Variants in GNG7 observed in about 807,000 individuals in gnomAD.
GNG7 encodes the protein guanine nucleotide-binding protein G(I)/G(S)/G(O) subunit gamma-7.
In GNG7, 1 loss-of-function variant was observed where a neutral mutation model predicts 4.0. The observed-to-expected ratio is 0.25, with a 90% CI of 0.09 to 1.18. GNG7 has a LOEUF of 1.18. GNG7 is among the 50% of genes most tolerant of loss of function. GNG7 has a pLI of 0.50. For missense variants in GNG7, 86 were observed against 91.9 expected, an observed-to-expected ratio of 0.94 and a Z score of 0.26; for synonymous variants, 34 against 36.9, an observed-to-expected ratio of 0.92 and a Z score of 0.29.
chr19:2,680,901 C>T (rs1983715424), intron 1 of GNG7, among the ~76,000 whole-genome samples: 1 of 151,802 alleles, frequency 6.6e-6, no homozygotes, highest in Non-Finnish European at 1.5e-5. Flanking sequence ...GTCTCCCGAG[C>T]TCGCATGAGG....
At chr19:2,662,187 G>A (rs183841769) in intron 1 of GNG7, among the ~76,000 whole-genome samples, 184 of 151,874 alleles carry the variant, frequency 1.2e-3, no homozygotes, top group African/African-American at 4.4e-3. Flanking sequence ...TTGAACCTGG[G>A]GGGCGGAGGC....
At chr19:2,690,792 C>T (rs912414393) in intron 1 of GNG7, among the ~76,000 whole-genome samples, 2 of 152,120 alleles carry the variant, frequency 1.3e-5, no homozygotes, top group African/African-American at 4.8e-5. Context: ...CGGGGTTTCA[C>T]CATGTTGGCC....
intron 2 of GNG7, among the ~76,000 whole-genome samples, chr19:2,613,952 C>G (rs1981645867): frequency 6.6e-6 from 1 of 152,232 alleles, no homozygotes; most frequent in Non-Finnish European, 1.5e-5. Flanking sequence ...GACAGAAGCT[C>G]GCAGCCTAAG....
chr19:2,678,568 C>A (rs1983651939), intron 1 of GNG7, among the ~76,000 whole-genome samples: 1 of 152,062 alleles, frequency 6.6e-6, no homozygotes, highest in South Asian at 2.1e-4. Flanking sequence ...GGTGGAGGAA[C>A]CAAATCCTGG....
chr19:2,698,927 G>C (rs978464506), intron 1 of GNG7, among the ~76,000 whole-genome samples: 1 of 152,092 alleles, frequency 6.6e-6, no homozygotes, highest in Non-Finnish European at 1.5e-5. Context: ...TAACGGTATC[G>C]GTCAAAGGAT....
intron 1 of GNG7, among the ~76,000 whole-genome samples, chr19:2,674,450 T>G (rs1983543739): frequency 2.0e-5 from 3 of 152,258 alleles, no homozygotes. Context: ...TTTTGTTTTT[T>G]TTTGAGACAG....
At chr19:2,616,004 G>T (rs1188557512) in intron 2 of GNG7, among the ~76,000 whole-genome samples, 1 of 152,146 alleles carries the variant, frequency 6.6e-6, no homozygotes, top group Non-Finnish European at 1.5e-5. Flanking sequence ...CTCCTGTATG[G>T]GCCTTTTTCC....
At chr19:2,520,069 T>C (rs1978299740) in intron 4 of GNG7, among the ~76,000 whole-genome samples, 1 of 152,122 alleles carries the variant, frequency 6.6e-6, no homozygotes, top group African/African-American at 2.4e-5. Context: ...TAATCCCAGC[T>C]ATTTGGGAGG....
chr19:2,568,743 TACAC>T (rs748487982), intron 2 of GNG7, among the ~76,000 whole-genome samples: 5 of 144,108 alleles, frequency 3.5e-5, no homozygotes, highest in Non-Finnish European at 6.2e-5. Flanking sequence ...TATACATACA[TACAC>T]ACATACACAC....
At chr19:2,568,443 CACATACATATACAT>C (rs1568247053) in intron 2 of GNG7, among the ~76,000 whole-genome samples, 1 of 103,742 alleles carries the variant, frequency 9.6e-6, no homozygotes, top group Non-Finnish European at 2.3e-5. Flanking sequence ...TATACATACA[CACATACATATACAT>C]ACACACACAC....
intron 1 of GNG7, among the ~76,000 whole-genome samples, chr19:2,658,078 T>C (rs1446876328): frequency 6.6e-6 from 1 of 152,164 alleles, no homozygotes; most frequent in African/African-American, 2.4e-5. Context: ...TCTTCATGTC[T>C]TGGTGGTAGT....
intron 3 of GNG7, among the ~76,000 whole-genome samples, chr19:2,526,296 G>C (rs1031717978): frequency 1.3e-5 from 2 of 150,186 alleles, no homozygotes; most frequent in African/African-American, 4.9e-5. Context: ...ATAGAGACGG[G>C]GTTTCCCCAT....
intron 1 of GNG7, chr19:2,683,459 C>T (rs576136860): frequency 6.6e-6 from 1 of 152,322 alleles, no homozygotes; most frequent in Admixed American, 6.5e-5. Flanking sequence ...ACTCTCCACG[C>T]CTTCTGTGTG....
intron 2 of GNG7, among the ~76,000 whole-genome samples, chr19:2,556,737 CCTT>C (rs1979556481): frequency 6.6e-6 from 1 of 152,162 alleles, no homozygotes; most frequent in African/African-American, 2.4e-5. Context: ...ACTGAGGTCA[CCTT>C]CTCCTAAGCC....
At chr19:2,630,327 T>G (rs8102144) in intron 2 of GNG7, among the ~76,000 whole-genome samples, 1 of 152,000 alleles carries the variant, frequency 6.6e-6, no homozygotes, top group African/African-American at 2.4e-5. Flanking sequence ...GTGGACATGA[T>G]GAGATATCAC....
chr19:2,594,908 A>G (rs192365054), intron 2 of GNG7: 2 of 152,116 alleles, frequency 1.3e-5, no homozygotes, highest in East Asian at 1.9e-4. Context: ...GCTTCAGGAC[A>G]GGAGTTTGAG....
In GNG7 at chr19:2,618,294, T is replaced by C. The variant is rs951236594; in HGVS notation, c.-78+27930A>G. ...ACAGATTACTCCTCACCCATGCCCC[T>C]TGCAAAGCTCTCAGCCACATTTTTC... On this transcript the variant is annotated intron_variant, in intron 2 of 4. Coordinates refer to ENST00000382159, the MANE Select transcript of GNG7 (RefSeq NM_052847.3). This position sits in a 1 kb window ranked among gnomAD's most constrained non-coding sequence, Gnocchi z 5.1. Among the ~76,000 whole-genome samples, 1 of 152,114 alleles carries C rather than the reference T, an allele frequency of 6.6e-6. No homozygotes were observed. The highest frequency in any genetic ancestry group is 2.4e-5 in the African/African-American group (1 of 41,406).
At chr19:2,696,641 G>C (rs1056696090) in intron 1 of GNG7, among the ~76,000 whole-genome samples, 1 of 152,216 alleles carries the variant, frequency 6.6e-6, no homozygotes, top group African/African-American at 2.4e-5. Flanking sequence ...GAAAAGGGTC[G>C]AGGCTCTGAC....
chr19:2,529,034 C>G (rs1351105897), intron 3 of GNG7, among the ~76,000 whole-genome samples: 1 of 152,234 alleles, frequency 6.6e-6, no homozygotes, highest in African/African-American at 2.4e-5. Context: ...CGCCACTCCC[C>G]TGACCTGCCC....
Sources: gnomAD v4.1 joint callset for allele counts (sites outside exome capture counted in the v4.1 genomes callset) on GRCh38, gnomAD v4.1.1 for gene constraint, Gnocchi (gnomAD v3.1) non-coding constraint, MANE v1.5 for transcripts, NCBI Gene and HGNC (gene_info 2026-07-23, HGNC 2026-07-21) for gene names.